Variants in UNC5D observed in about 807,000 individuals in gnomAD.
UNC5D encodes unc-5 netrin receptor D, also known as netrin receptor UNC5D.
UNC5D carries 39 observed loss-of-function variants against 105.4 expected under a neutral mutation model. The observed-to-expected ratio is 0.37, with a 90% CI of 0.29 to 0.48. UNC5D has a LOEUF of 0.48. Among genes scored for constraint, UNC5D ranks in the 20% least tolerant of loss-of-function variants. UNC5D has a pLI of 0.98. For synonymous variants in UNC5D, 452 were observed against 450.4 expected (o/e 1.00, Z -0.04); for missense variants, 991 against 1,202.4 (o/e 0.82, Z 2.60).
At chr8:35,264,288 A>G (rs1397168194) in intron 1 of UNC5D, among the ~76,000 whole-genome samples, 1 of 152,234 alleles carries the variant, frequency 6.6e-6, no homozygotes, top group Non-Finnish European at 1.5e-5. Flanking sequence ...AAGCTTTCAA[A>G]GTGGGATTTG....
intron 4 of UNC5D, among the ~76,000 whole-genome samples, chr8:35,661,513 C>A (rs1265999577): frequency 1.3e-5 from 2 of 152,176 alleles, no homozygotes; most frequent in African/African-American, 4.8e-5. Flanking sequence ...ACACTGATAT[C>A]TGCAATGATT....
In UNC5D at chr8:35,775,905, T is replaced by C. The variant is rs146991338; in HGVS notation, c.2657+1428T>C. 3.9e-5 allele frequency among the ~76,000 whole-genome samples: 6 copies of C among 152,272 alleles called. No homozygotes were observed. The East Asian group carries it at 1.2e-3, about 29-fold the overall frequency. On this transcript the variant is annotated intron_variant, in intron 16 of 16. Transcript: ENST00000404895. ...CAGGCAAGCCCGAAAAGAATAGACA[T>C]ATGTTTGAAAAGGCATATATTGAAA...
intron 1 of UNC5D, among the ~76,000 whole-genome samples, chr8:35,304,221 A>G (rs1349618917): frequency 6.6e-6 from 1 of 152,056 alleles, no homozygotes; most frequent in Non-Finnish European, 1.5e-5. Flanking sequence ...TTTCTCAATA[A>G]TGGCCTCTCT....
intron 4 of UNC5D, among the ~76,000 whole-genome samples, chr8:35,611,342 G>GAGA (rs1820669584): frequency 6.6e-6 from 1 of 152,092 alleles, no homozygotes; most frequent in African/African-American, 2.4e-5. Flanking sequence ...AAAAAGCTTC[G>GAGA]TGGCCCCATC....
chr8:35,420,742 C>CTT lies in UNC5D; in HGVS notation c.104-128541_104-128540dup, dbSNP rs11463747. On this transcript the variant is annotated intron_variant, in intron 1 of 16. Coordinates refer to ENST00000404895, the MANE Select transcript of UNC5D (RefSeq NM_080872.4). ...AATTAAATGGTATTAATACCATGGG[C>CTT]TTTTTTTTTTGTTTCCTAGAGAGAC... is the stretch of plus-strand genomic sequence containing the variant. Among the ~76,000 whole-genome samples the CTT allele has an allele frequency of 2.0e-3, 293 of 149,002 alleles. 3 individuals carry two copies. Among genetic ancestry groups the CTT allele is most frequent in the African/African-American group, 6.1e-3 (249 of 40,610 alleles).
At chr8:35,751,335 GGA>G (rs1160664546) in intron 13 of UNC5D, among the ~76,000 whole-genome samples, 2 of 152,198 alleles carry the variant, frequency 1.3e-5, no homozygotes, top group Non-Finnish European at 2.9e-5. Context: ...GGAGCAATTT[GGA>G]GAGTGTCAGA....
chr8:35,457,992 GT>G (rs1808611233), intron 1 of UNC5D, among the ~76,000 whole-genome samples: 1 of 152,188 alleles, frequency 6.6e-6, no homozygotes, highest in Non-Finnish European at 1.5e-5. Context: ...GGTAAAGCAT[GT>G]AACATCCTAT....
At chr8:35,779,222 G>A (rs987597857) in intron 16 of UNC5D, among the ~76,000 whole-genome samples, 45 of 152,172 alleles carry the variant, frequency 3.0e-4, no homozygotes, top group Admixed American at 8.5e-4. Context: ...GTCATGTAGC[G>A]GGTAGGTGGT....
At chr8:35,496,573 G>C (rs1368468758) in intron 1 of UNC5D, among the ~76,000 whole-genome samples, 2 of 152,134 alleles carry the variant, frequency 1.3e-5, no homozygotes, top group Non-Finnish European at 2.9e-5. Context: ...AGGGTTAGGA[G>C]AGAAGGAAGG....
chr8:35,331,929 T>A (rs944407031), intron 1 of UNC5D, among the ~76,000 whole-genome samples: 2 of 152,254 alleles, frequency 1.3e-5, no homozygotes, highest in African/African-American at 4.8e-5. Flanking sequence ...AGATAGCACA[T>A]GTTCAATATT....
At chr8:35,385,631 A>G (rs969310532) in intron 1 of UNC5D, among the ~76,000 whole-genome samples, 1 of 151,456 alleles carries the variant, frequency 6.6e-6, no homozygotes, top group African/African-American at 2.4e-5. Flanking sequence ...ACGCCTGGAG[A>G]ATTTTTTGTA....
intron 1 of UNC5D, among the ~76,000 whole-genome samples, chr8:35,285,677 T>C (rs190323054): frequency 6.8e-4 from 104 of 152,296 alleles, no homozygotes; most frequent in Non-Finnish European, 1.0e-4. Context: ...GTTAAGCTTC[T>C]TACTGAAGAG....
intron 5 of UNC5D, 110 bp from the exon 6 acceptor site, chr8:35,684,472 C>T (rs938282172): frequency 4.5e-6 from 6 of 1,345,606 alleles, no homozygotes; most frequent in Admixed American, 2.4e-5. Context: ...CACAGTCTCT[C>T]GGTCCCTGGA....
chr8:35,740,139 T>A (rs1829684124), intron 11 of UNC5D, among the ~76,000 whole-genome samples: 1 of 152,178 alleles, frequency 6.6e-6, no homozygotes, highest in Non-Finnish European at 1.5e-5. Flanking sequence ...TCTCAAGGCA[T>A]GAAAAGACTG....
At chr8:35,506,062 C>G (rs1812287292) in intron 1 of UNC5D, among the ~76,000 whole-genome samples, 2 of 152,100 alleles carry the variant, frequency 1.3e-5, no homozygotes, top group Non-Finnish European at 2.9e-5. Context: ...GGAAAAAGCC[C>G]TGATTCAGAT....
chr8:35,703,037 GA>G (rs1475420895), intron 7 of UNC5D, among the ~76,000 whole-genome samples: 2 of 151,998 alleles, frequency 1.3e-5, no homozygotes, highest in Non-Finnish European at 2.9e-5. Flanking sequence ...AACATATCAG[GA>G]AACTGAAGTT....
chr8:35,550,400 TCC>T (rs1160765632), intron 2 of UNC5D, among the ~76,000 whole-genome samples: 15 of 152,200 alleles, frequency 9.9e-5, no homozygotes, highest in Non-Finnish European at 1.8e-4. Context: ...TCAGACAAGA[TCC>T]AATCTGGTCA....
At position 35,779,245 on chromosome 8, in the gene UNC5D, A is replaced by G. The variant is rs146461961; in HGVS notation, c.2657+4768A>G. The stretch of plus-strand genomic sequence containing the variant: ...GCGGGTAGGTGGTGGGGAGCAATGC[A>G]GAGGACTTAACAAATTAAATGTTGG... On this transcript the variant is annotated intron_variant, in intron 16 of 16. Coordinates refer to ENST00000404895, the MANE Select transcript of UNC5D (RefSeq NM_080872.4). 3.1e-3 allele frequency among the ~76,000 whole-genome samples: 469 copies of G among 152,326 alleles called. 2 individuals carry two copies. Among genetic ancestry groups the G allele is most frequent in the African/African-American group, 0.01 (435 of 41,568 alleles).
At chr8:35,352,304 A>G (rs2980390) in intron 1 of UNC5D, among the ~76,000 whole-genome samples, 133,895 of 151,976 alleles carry the variant, frequency 0.88, 59,147 homozygotes, top group East Asian at 1. Flanking sequence ...ATACACATAA[A>G]TAATAGTTAT....
Sources: gnomAD v4.1 joint callset for allele counts (sites outside exome capture counted in the v4.1 genomes callset) on GRCh38, gnomAD v4.1.1 for gene constraint, MANE v1.5 for transcripts, NCBI Gene and HGNC (gene_info 2026-07-23, HGNC 2026-07-21) for gene names.